PAK2: variants seen among roughly 807,000 people sequenced by gnomAD.
The protein encoded by PAK2 is p21 (RAC1) activated kinase 2.
In PAK2, 21 loss-of-function variants were observed where a neutral mutation model predicts 65.9. That is an observed-to-expected ratio of 0.32 (90% CI 0.23 to 0.46). The LOEUF (loss-of-function observed/expected upper bound fraction) is 0.46. PAK2 is among the 20% of genes least tolerant of loss of function. PAK2 has a pLI of 1.00. For missense variants in PAK2, 324 were observed against 642.6 expected, an observed-to-expected ratio of 0.50 and a Z score of 5.36; for synonymous variants, 204 against 219.7, an observed-to-expected ratio of 0.93 and a Z score of 0.63.
intron 1 of PAK2, among the ~76,000 whole-genome samples, chr3:196,782,372 A>G (rs928080619): frequency 6.6e-6 from 1 of 151,858 alleles, no homozygotes; most frequent in African/African-American, 2.4e-5. Context: ...TGATTAGACC[A>G]GTAGCTTTTG....
At chr3:196,766,029 T>C (rs1378430157) in intron 1 of PAK2, among the ~76,000 whole-genome samples, 1 of 151,800 alleles carries the variant, frequency 6.6e-6, no homozygotes, top group Non-Finnish European at 1.5e-5. Flanking sequence ...CCTGAGTAGC[T>C]GGGATTACAA....
At chr3:196,754,727 G>A (rs1012369660) in intron 1 of PAK2, among the ~76,000 whole-genome samples, 29 of 152,168 alleles carry the variant, frequency 1.9e-4, no homozygotes, top group Non-Finnish European at 8.8e-5. Context: ...CAGCCCCGCT[G>A]GAACCTTACC....
intron 1 of PAK2, among the ~76,000 whole-genome samples, chr3:196,756,624 T>A: frequency 6.6e-6 from 1 of 152,104 alleles, no homozygotes; most frequent in East Asian, 1.9e-4. Flanking sequence ...GATCACAAGG[T>A]CAGGAGTTCA....
chr3:196,826,653 G>A (rs914112674), intron 13 of PAK2, among the ~76,000 whole-genome samples: 2 of 151,978 alleles, frequency 1.3e-5, no homozygotes, highest in African/African-American at 4.8e-5. Context: ...TGGGCACAGT[G>A]GCTCACACCT....
chr3:196,770,447 G>C (rs1714324988), intron 1 of PAK2, among the ~76,000 whole-genome samples: 1 of 151,718 alleles, frequency 6.6e-6, no homozygotes, highest in Non-Finnish European at 1.5e-5. Flanking sequence ...CTTGAGTTCA[G>C]GAGCTGAAGG....
chr3:196,806,477 G>T, intron 5 of PAK2, 102 bp from the exon 6 acceptor site: 1 of 692,450 alleles, frequency 1.4e-6, no homozygotes, highest in South Asian at 1.6e-5. Context: ...TTTGAAATGA[G>T]CTATCAAAGA....
intron 1 of PAK2, among the ~76,000 whole-genome samples, chr3:196,752,329 A>T (rs1713631957): frequency 6.6e-6 from 1 of 152,140 alleles, no homozygotes; most frequent in South Asian, 2.1e-4. Context: ...GAATGTATAC[A>T]TCCTGTTTTT....
chr3:196,774,597 A>G (rs1227967940), intron 1 of PAK2, among the ~76,000 whole-genome samples: 3 of 152,220 alleles, frequency 2.0e-5, no homozygotes, highest in African/African-American at 7.2e-5. Flanking sequence ...TCTTTGGTGT[A>G]TTTGAGGAAT....
chr3:196,820,033 G>T lies in PAK2; in HGVS notation c.1154-338G>T, dbSNP rs1170524346. Among the ~76,000 whole-genome samples, 2 of 152,104 alleles carry T rather than the reference G, an allele frequency of 1.3e-5. No homozygotes were observed. The highest frequency in any genetic ancestry group is 2.9e-5 in the Non-Finnish European group (2 of 68,012). ...AAAGACAAAGTAGTTTCCATGACCT[G>T]ACCTTTACCTGATTCACTGCATTTA... On this transcript the variant is annotated intron_variant, in intron 12 of 14. Coordinates refer to ENST00000327134, the MANE Select transcript of PAK2 (RefSeq NM_002577.4). This position sits in a 1 kb window ranked among gnomAD's most constrained non-coding sequence, Gnocchi z 4.6.
At chr3:196,808,557 CAAAAAA>C (rs1208200034) in intron 7 of PAK2, among the ~76,000 whole-genome samples, 11 of 56,570 alleles carry the variant, frequency 1.9e-4, no homozygotes, top group African/African-American at 2.7e-4. Context: ...GACTCCATCT[CAAAAAA>C]AAAAAAAAAA....
At chr3:196,753,179 G>A (rs1434772622) in intron 1 of PAK2, among the ~76,000 whole-genome samples, 1 of 151,586 alleles carries the variant, frequency 6.6e-6, no homozygotes, top group Non-Finnish European at 1.5e-5. Flanking sequence ...GGATGGTCTC[G>A]ATCTCCTGAC....
rs79872174 is a variant in PAK2 at position 196,761,101 on chromosome 3, AC to A, written c.-22+20946del. On this transcript the variant is annotated intron_variant, in intron 1 of 14. Transcript: ENST00000327134. The stretch of plus-strand genomic sequence containing the variant: ...AAATTAGCCGGGTGTGGTTGTGCAT[AC>A]CTGTAATCCCGGCTACTCGGTAAGG... Among the ~76,000 whole-genome samples the A allele has an allele frequency of 6.6e-3, 975 of 148,644 alleles. 22 individuals are homozygous for A. In the East Asian group the frequency reaches 0.094, roughly 14 times the overall value.
intron 14 of PAK2, among the ~76,000 whole-genome samples, chr3:196,827,737 G>C (rs2082138674): frequency 1.3e-5 from 2 of 151,944 alleles, no homozygotes; most frequent in South Asian, 4.2e-4. Flanking sequence ...ATGTACCCTA[G>C]AACTTAAAGT....
At chr3:196,746,252 G>A (rs1198133196) in intron 1 of PAK2, among the ~76,000 whole-genome samples, 1 of 152,064 alleles carries the variant, frequency 6.6e-6, no homozygotes, top group Non-Finnish European at 1.5e-5. Flanking sequence ...GGCAGCTGTT[G>A]GATTTAGAGA....
At chr3:196,761,744 C>T (rs1353479939) in intron 1 of PAK2, among the ~76,000 whole-genome samples, 3 of 145,950 alleles carry the variant, frequency 2.1e-5, no homozygotes, top group East Asian at 2.1e-4. Context: ...CGGGCAGAGG[C>T]GCCCCTCACC....
At chr3:196,817,182 T>TTG (rs1711508889) in intron 11 of PAK2, among the ~76,000 whole-genome samples, 1 of 124,022 alleles carries the variant, frequency 8.1e-6, no homozygotes, top group Admixed American at 8.2e-5. Flanking sequence ...TTTTTTTTTT[T>TTG]GAGACTGAGT....
intron 8 of PAK2, among the ~76,000 whole-genome samples, chr3:196,811,332 C>CTT (rs1560113949): frequency 2.5e-5 from 2 of 78,486 alleles, no homozygotes; most frequent in African/African-American, 5.2e-5. Context: ...CCTTCCCTTC[C>CTT]CTCCCTTCCC....
At chr3:196,815,150 A>C (rs1258485452) in intron 11 of PAK2, among the ~76,000 whole-genome samples, 2 of 152,058 alleles carry the variant, frequency 1.3e-5, no homozygotes, top group Non-Finnish European at 2.9e-5. Context: ...ACTGCACTCC[A>C]GCCTGGGCAA....
intron 2 of PAK2, among the ~76,000 whole-genome samples, chr3:196,796,132 T>C (rs1162679674): frequency 6.6e-6 from 1 of 152,240 alleles, no homozygotes; most frequent in Non-Finnish European, 1.5e-5. Context: ...GTTCCTGCCG[T>C]GCAGCCGGTT....
Sources: allele counts gnomAD v4.1 joint callset (sites outside exome capture counted in the v4.1 genomes callset), GRCh38; gene constraint gnomAD v4.1.1; non-coding constraint Gnocchi (gnomAD v3.1); transcripts MANE v1.5; gene names NCBI Gene and HGNC (gene_info 2026-07-23, HGNC 2026-07-21).